PIK3CB: variants seen among roughly 807,000 people sequenced by gnomAD.
PIK3CB encodes phosphatidylinositol-4,5-bisphosphate 3-kinase catalytic subunit beta.
A neutral mutation model predicts 136.8 loss-of-function variants in PIK3CB; 39 were observed. The ratio of observed to expected loss-of-function variants is 0.29; its 90% confidence interval spans 0.22 to 0.37. PIK3CB has a LOEUF of 0.37. Among genes scored for constraint, PIK3CB ranks in the 10% least tolerant of loss-of-function variants. The pLI is 1.00. For missense variants in PIK3CB, 868 were observed against 1,275.4 expected (o/e 0.68, Z 4.87); for synonymous variants, 428 against 436.6 (o/e 0.98, Z 0.25).
In PIK3CB at chr3:138,734,790, A is replaced by G; in HGVS notation, c.816T>C (p.Cys272=). Residue 272 remains cysteine (C), a synonymous_variant, in exon 7 of 24, where the codon TGT becomes TGC. Coordinates refer to ENST00000674063, the MANE Select transcript of PIK3CB (RefSeq NM_006219.3). ...AATGGGGCAGGGCTCTGTTCATCAC[A>G]CAGTTCCGGATATACTATAGGGGCA... ...PLIQFQYIRN[C]VMNRALPHFI... is the part of the protein sequence containing the mutation. 6.2e-7 allele frequency: 1 copy of G among 1,612,428 alleles called. No individual in the cohort carries two copies. Among genetic ancestry groups the G allele is most frequent in the Middle Eastern group, 1.7e-4 (1 of 6,054 alleles).
intron 8 of PIK3CB, among the ~76,000 whole-genome samples, chr3:138,716,773 G>A (rs867699895): frequency 1.3e-5 from 2 of 151,394 alleles, no homozygotes; most frequent in African/African-American, 4.9e-5. Context: ...GAGAGCACCT[G>A]TAATCCCAGC....
intron 16 of PIK3CB, among the ~76,000 whole-genome samples, chr3:138,685,420 A>AAAAAAAAAAAAAAAAAGAAAG (rs2043866681): frequency 2.3e-5 from 2 of 86,912 alleles, no homozygotes; most frequent in African/African-American, 6.9e-5. Context: ...AAAAAAAAAA[A>AAAAAAAAAAAAAAAAAGAAAG]AAAGAAAGAA....
intron 1 of PIK3CB, among the ~76,000 whole-genome samples, chr3:138,811,087 C>T (rs1661541059): frequency 6.6e-6 from 1 of 151,168 alleles, no homozygotes; most frequent in Admixed American, 6.6e-5. Context: ...ATAAGCTGGG[C>T]ATGGTGGTGC....
intron 19 of PIK3CB, among the ~76,000 whole-genome samples, chr3:138,672,841 G>A (rs189808245): frequency 2.0e-5 from 3 of 151,478 alleles, no homozygotes; most frequent in African/African-American, 7.3e-5. Context: ...GAACCTGGGA[G>A]GTGGAGATTG....
At chr3:138,705,766 C>T (rs1046816071) in intron 11 of PIK3CB, among the ~76,000 whole-genome samples, 4 of 151,478 alleles carry the variant, frequency 2.6e-5, no homozygotes, top group African/African-American at 9.7e-5. Flanking sequence ...ATTTTTTTTT[C>T]TCCAGAGACA....
chr3:138,818,263 C>T (rs1410217100), intron 1 of PIK3CB, among the ~76,000 whole-genome samples: 1 of 152,178 alleles, frequency 6.6e-6, no homozygotes, highest in African/African-American at 2.4e-5. Flanking sequence ...CAGCCATCTC[C>T]ATCCTGGAAT....
chr3:138,724,062 T>C (rs895934296), intron 8 of PIK3CB, among the ~76,000 whole-genome samples: 2 of 152,168 alleles, frequency 1.3e-5, no homozygotes, highest in African/African-American at 2.4e-5. Flanking sequence ...CAATTCAATT[T>C]TGATGCTACC....
intron 1 of PIK3CB, among the ~76,000 whole-genome samples, chr3:138,834,053 C>T (rs1004506304): frequency 3.3e-5 from 5 of 152,190 alleles, no homozygotes; most frequent in Non-Finnish European, 7.3e-5. Flanking sequence ...CCCAAACGCA[C>T]GCCAGCAGCC....
At chr3:138,808,446 C>T (rs147892624) in intron 1 of PIK3CB, among the ~76,000 whole-genome samples, 31 of 152,134 alleles carry the variant, frequency 2.0e-4, no homozygotes, top group African/African-American at 7.5e-4. Flanking sequence ...GCCTGGGCAA[C>T]AAGGTGAGTT....
chr3:138,831,691 C>T (rs1934044543), intron 1 of PIK3CB, among the ~76,000 whole-genome samples: 1 of 152,174 alleles, frequency 6.6e-6, no homozygotes, highest in Non-Finnish European at 1.5e-5. Flanking sequence ...CTTTGGGAGG[C>T]CAAGGCGGGA....
At chr3:138,742,812 A>G (rs2045271869) in intron 4 of PIK3CB, 31 bp from the exon 5 acceptor site, 2 of 1,156,388 alleles carry the variant, frequency 1.7e-6, no homozygotes, top group Non-Finnish European at 2.5e-6. Flanking sequence ...TGTCATTTTC[A>G]GTAACTAACA....
intron 4 of PIK3CB, among the ~76,000 whole-genome samples, chr3:138,743,346 A>T (rs2045282573): frequency 6.6e-6 from 1 of 152,222 alleles, no homozygotes; most frequent in African/African-American, 2.4e-5. Flanking sequence ...CTTTAAAAAA[A>T]CAAAAACAAA....
chr3:138,790,765 G>A (rs1177649343), intron 2 of PIK3CB, among the ~76,000 whole-genome samples: 2 of 149,000 alleles, frequency 1.3e-5, no homozygotes, highest in African/African-American at 4.9e-5. Flanking sequence ...AGTGAGCCAA[G>A]ATCGTGCCAC....
chr3:138,795,842 A>C (rs988066821), intron 2 of PIK3CB, among the ~76,000 whole-genome samples: 1 of 152,090 alleles, frequency 6.6e-6, no homozygotes, highest in Admixed American at 6.6e-5. Context: ...TTCAGCCATA[A>C]ACAGTCTCCT....
chr3:138,736,673 C>T (rs2045112679), intron 6 of PIK3CB, among the ~76,000 whole-genome samples: 1 of 152,174 alleles, frequency 6.6e-6, no homozygotes, highest in Non-Finnish European at 1.5e-5. Context: ...TTAAACTCCA[C>T]TTTACTCCAA....
Position 138,784,375 on chromosome 3 carries a change from C to A in PIK3CB, c.-17+12088G>T, listed in dbSNP as rs566885647. On this transcript the variant is annotated intron_variant, in intron 2 of 23. Coordinates refer to ENST00000674063, the MANE Select transcript of PIK3CB (RefSeq NM_006219.3). Reference sequence around the variant, plus strand: ...CCAGCCTGGGCAACAGAGAGAGACTCTGTATCAAAAAACAAAAAAAGGCTC... The same window carrying A: ...CCAGCCTGGGCAACAGAGAGAGACTATGTATCAAAAAACAAAAAAAGGCTC... Among the ~76,000 whole-genome samples, 3 of 152,238 alleles carry A rather than the reference C, an allele frequency of 2.0e-5. No individual in the cohort carries two copies. In the South Asian group the frequency reaches 6.2e-4, roughly 32 times the overall value.
chr3:138,814,276 G>A (rs1286816688), intron 1 of PIK3CB, among the ~76,000 whole-genome samples: 1 of 151,986 alleles, frequency 6.6e-6, no homozygotes, highest in Non-Finnish European at 1.5e-5. Flanking sequence ...TCAGGAGCTT[G>A]AGACCACTTT....
At chr3:138,675,429 T>C (rs548478967) in intron 19 of PIK3CB, among the ~76,000 whole-genome samples, 1 of 152,134 alleles carries the variant, frequency 6.6e-6, no homozygotes, top group South Asian at 2.1e-4. Flanking sequence ...CTCCCCAAAT[T>C]TTATGAAAAA....
chr3:138,829,177 T>TA (rs1308915796), intron 1 of PIK3CB, among the ~76,000 whole-genome samples: 2 of 151,844 alleles, frequency 1.3e-5, no homozygotes, highest in Non-Finnish European at 2.9e-5. Flanking sequence ...TAAAAATAAA[T>TA]AAAGGCTGAG....
Sources: allele counts gnomAD v4.1 joint callset (sites outside exome capture counted in the v4.1 genomes callset), GRCh38; gene constraint gnomAD v4.1.1; transcripts MANE v1.5; gene names NCBI Gene and HGNC (gene_info 2026-07-23, HGNC 2026-07-21).